CR1L: variants seen among roughly 807,000 people sequenced by gnomAD.
CR1L encodes complement C3b/C4b receptor 1 like, also known as complement component receptor 1-like protein.
Under a neutral mutation model 62.3 loss-of-function variants are expected in CR1L, and 59 were observed. The ratio of observed to expected loss-of-function variants is 0.95; its 90% CI spans 0.77 to 1.18. The LOEUF (loss-of-function observed/expected upper bound fraction) is 1.18, where lower values mean the gene tolerates loss of function less well. Among genes scored for constraint, CR1L ranks in the 50% most tolerant of loss-of-function variants. The pLI is 0.00. For missense variants in CR1L, 700 were observed against 702.8 expected, an observed-to-expected ratio of 1.00 and a Z score of 0.04; for synonymous variants, 279 against 248.7, an observed-to-expected ratio of 1.12 and a Z score of -1.15.
chr1:207,719,186 C>A (rs1309498019), intron 11 of CR1L, among the ~76,000 whole-genome samples: 4 of 141,046 alleles, frequency 2.8e-5, no homozygotes, highest in Admixed American at 7.3e-5. Flanking sequence ...TGCAGCGCAC[C>A]AGCATGGCAC....
At chr1:207,665,353 C>A (rs1663500953) in intron 1 of CR1L, among the ~76,000 whole-genome samples, 1 of 149,552 alleles carries the variant, frequency 6.7e-6, no homozygotes, top group Non-Finnish European at 1.5e-5. Context: ...AGTGACCATT[C>A]TTGTACATGC....
intron 9 of CR1L, among the ~76,000 whole-genome samples, chr1:207,707,785 T>TACACACAC (rs10523807): frequency 0.067 from 8,520 of 126,520 alleles, 362 homozygotes; most frequent in East Asian, 0.1. Context: ...GGCATAGTAT[T>TACACACAC]ACACACACAC....
intron 3 of CR1L, among the ~76,000 whole-genome samples, chr1:207,678,819 C>T (rs1176548163): frequency 1.3e-5 from 2 of 152,120 alleles, no homozygotes; most frequent in Admixed American, 6.5e-5. Flanking sequence ...ATGCTCCCTC[C>T]AAAACCTGTA....
In CR1L at chr1:207,645,143, C is replaced by A; in HGVS notation, c.-91C>A. ...GTGAGTTTGGGGATTGTTGTGTCCA[C>A]TAACCGGACTCAGAAGGGACTTCCC... On this transcript the variant is annotated 5_prime_UTR_variant, in exon 1 of 12. Transcript: ENST00000508064. 1 of 1,278,350 alleles carries A rather than the reference C, an allele frequency of 7.8e-7. No individual in the cohort carries two copies. The highest frequency in any genetic ancestry group is 1.2e-5 in the South Asian group (1 of 80,968). 79.2% of individuals were successfully genotyped at this position (1,278,350 alleles called of 1,614,324 possible). A position where few individuals can be genotyped will look rare whatever the true frequency, so the allele number is the denominator to read the frequency against.
chr1:207,709,462 C>T (rs1056962800), intron 10 of CR1L, among the ~76,000 whole-genome samples: 1 of 152,070 alleles, frequency 6.6e-6, no homozygotes, highest in Non-Finnish European at 1.5e-5. Context: ...AATAAAGACA[C>T]ATGCCTTCTA....
chr1:207,695,633 A>T (rs1664067050), intron 5 of CR1L, among the ~76,000 whole-genome samples: 1 of 152,186 alleles, frequency 6.6e-6, no homozygotes, highest in African/African-American at 2.4e-5. Context: ...GACTCTTCTC[A>T]CATTGTATAA....
At chr1:207,710,237 G>A (rs1244897494) in intron 10 of CR1L, 15 of 578,782 alleles carry the variant, frequency 2.6e-5, no homozygotes, top group Admixed American at 1.5e-4. Context: ...CCAGCTACTC[G>A]GGAGGTTGAG....
intron 1 of CR1L, chr1:207,669,604 C>T: frequency 1.6e-6 from 2 of 1,256,200 alleles, no homozygotes; most frequent in Non-Finnish European, 2.2e-6. Context: ...CCCGGGCTGA[C>T]GAGGCACCCA....
intron 1 of CR1L, among the ~76,000 whole-genome samples, chr1:207,651,382 G>T (rs1663221710): frequency 6.6e-6 from 1 of 152,102 alleles, no homozygotes; most frequent in African/African-American, 2.4e-5. Context: ...GAGAATTTTA[G>T]AATTTAGAAT....
intron 1 of CR1L, among the ~76,000 whole-genome samples, chr1:207,660,402 C>T (rs936184411): frequency 1.3e-5 from 2 of 152,194 alleles, no homozygotes; most frequent in Non-Finnish European, 2.9e-5. Context: ...CTGGAGTGGA[C>T]CTCCAGCAAA....
chr1:207,694,684 A>T lies in CR1L; in HGVS notation c.795A>T (p.Lys265Asn). 6.2e-7 allele frequency: 1 copy of T among 1,611,898 alleles called. No individual in the cohort carries two copies. The highest frequency in any genetic ancestry group is 8.5e-7 in the Non-Finnish European group (1 of 1,179,712). ...GGTGTCAGCCTGGCTTTGGCATGAA[A>T]GGGCCCTCCCATGTGAAGTGCCAGG... ...EFRCQPGFGM[K>N]GPSHVKCQAL... The change falls in exon 5 of 12, where the codon AAA becomes AAT. Residue 265 changes from lysine (K) to asparagine (N), a missense_variant. Physicochemically the swap from Lys to Asn is moderately conservative, Grantham distance 94. Transcript: ENST00000508064.
In CR1L at chr1:207,677,307, CAAAAAAAAAAAAAAA is replaced by C. The variant is rs57151160; in HGVS notation, c.98-66_98-52del. The C allele has an allele frequency of 1.7e-4, 87 of 506,370 alleles. 1 individual carries two copies. Among genetic ancestry groups the C allele is most frequent in the South Asian group, 1.1e-3 (29 of 25,824 alleles). The allele number at this position is 506,370 out of a possible 1,614,324, so 31.4% of individuals were successfully genotyped here. On this transcript the variant is annotated intron_variant, in intron 1 of 11. Transcript: ENST00000508064. Reference sequence around the variant, plus strand: ...TGGGTGACAGAGGGAGACTCTGTCACAAAAAAAAAAAAAAAAAAAAAAAAAAAAAAGTATGGTAAT... The same window carrying C: ...TGGGTGACAGAGGGAGACTCTGTCACAAAAAAAAAAAAAAAGTATGGTAAT...
intron 1 of CR1L, chr1:207,669,488 C>T (rs11578682): frequency 2.5e-6 from 4 of 1,578,388 alleles, no homozygotes; most frequent in African/African-American, 2.8e-5. Context: ...GTTGGGCAGC[C>T]GGCGCCCGGT....
intron 11 of CR1L, among the ~76,000 whole-genome samples, 159 bp downstream of exon 11, chr1:207,717,850 T>C (rs1443507929): frequency 2.6e-5 from 4 of 152,170 alleles, no homozygotes; most frequent in Admixed American, 2.0e-4. Context: ...GGGTTCTAGA[T>C]AGGCACACTG....
chr1:207,665,926 A>C (rs913533974), intron 1 of CR1L, among the ~76,000 whole-genome samples: 4 of 152,184 alleles, frequency 2.6e-5, no homozygotes, highest in Non-Finnish European at 5.9e-5. Flanking sequence ...AAGACTATAC[A>C]TCCTGAGTGA....
At chr1:207,713,865 C>T (rs12733108) in intron 10 of CR1L, among the ~76,000 whole-genome samples, 92,771 of 152,092 alleles carry the variant, frequency 0.61, 29,019 homozygotes, top group East Asian at 0.87. Flanking sequence ...TCCATCGCCC[C>T]GCTCAGGCCT....
intron 1 of CR1L, among the ~76,000 whole-genome samples, chr1:207,670,897 G>T (rs1663603794): frequency 6.6e-6 from 1 of 151,080 alleles, no homozygotes; most frequent in African/African-American, 2.5e-5. Flanking sequence ...TTTTGTTGCT[G>T]GAGTAATTTC....
At chr1:207,684,063 A>G (rs1663850909) in intron 4 of CR1L, 106 bp downstream of exon 4, 4 of 1,033,022 alleles carry the variant, frequency 3.9e-6, no homozygotes, top group South Asian at 3.5e-5. Flanking sequence ...TGTACTTCAC[A>G]TGGCTGAAGA....
chr1:207,699,626 T>C (rs1415188052), intron 8 of CR1L, among the ~76,000 whole-genome samples: 1 of 152,202 alleles, frequency 6.6e-6, no homozygotes, highest in Non-Finnish European at 1.5e-5. Context: ...TTTCCCTTCT[T>C]CTCTCCCTCT....
Sources: allele counts gnomAD v4.1 joint callset (sites outside exome capture counted in the v4.1 genomes callset), GRCh38; gene constraint gnomAD v4.1.1; transcripts MANE v1.5; gene names NCBI Gene and HGNC (gene_info 2026-07-23, HGNC 2026-07-21).